The following CACNA1E variants were observed in gnomAD, a reference collection of about 807,000 sequenced individuals.
The protein encoded by CACNA1E is voltage-dependent R-type calcium channel subunit alpha-1E.
In CACNA1E, 40 loss-of-function variants were observed where a neutral mutation model predicts 259.2. That is an observed-to-expected ratio of 0.15 (90% CI 0.12 to 0.20). CACNA1E has a LOEUF of 0.20. Ranked by LOEUF, CACNA1E falls within the 10% of genes least tolerant of loss-of-function variation. The probability of loss-of-function intolerance (pLI) is 1.00; values close to 1 mark genes in which losing one functional copy is unlikely to be tolerated. For missense variants in CACNA1E, 1,874 were observed against 3,040.1 expected, an observed-to-expected ratio of 0.62 and a Z score of 9.02; for synonymous variants, 1,104 against 1,138.5, an observed-to-expected ratio of 0.97 and a Z score of 0.61.
chr1:181,720,698 A>C, intron 14 of CACNA1E, 85 bp from the exon 15 acceptor site: 1 of 805,746 alleles, frequency 1.2e-6, no homozygotes, highest in Admixed American at 2.0e-5. Flanking sequence ...GGAGAAAAGA[A>C]GTGATGAAAG....
chr1:181,535,075 G>T (rs1467598838), intron 3 of CACNA1E, among the ~76,000 whole-genome samples: 1 of 152,088 alleles, frequency 6.6e-6, no homozygotes, highest in East Asian at 1.9e-4. Context: ...GTGATAAAAA[G>T]AAAATAATTG....
intron 3 of CACNA1E, among the ~76,000 whole-genome samples, chr1:181,554,931 A>C (rs1648562326): frequency 6.6e-6 from 1 of 152,186 alleles, no homozygotes; most frequent in African/African-American, 2.4e-5. Context: ...TTTATCAATG[A>C]GACCAACAGC....
At chr1:181,604,403 G>A (rs1047263105) in intron 6 of CACNA1E, among the ~76,000 whole-genome samples, 2 of 152,124 alleles carry the variant, frequency 1.3e-5, no homozygotes, top group African/African-American at 2.4e-5. Context: ...TCATGAAAAG[G>A]GCCAGCTGAG....
chr1:181,318,387 C>T (rs1650070722), intron 1 of CACNA1E, among the ~76,000 whole-genome samples: 1 of 152,246 alleles, frequency 6.6e-6, no homozygotes, highest in Admixed American at 6.5e-5. Context: ...TGGGAAACGC[C>T]CCCGCGCTCT....
At chr1:181,747,200 G>T (rs923100922) in intron 25 of CACNA1E, among the ~76,000 whole-genome samples, 2 of 152,242 alleles carry the variant, frequency 1.3e-5, no homozygotes, top group African/African-American at 4.8e-5. Flanking sequence ...GGGTAGGGCA[G>T]AAGGCCATGG....
chr1:181,361,995 T>G (rs907340192), intron 1 of CACNA1E, among the ~76,000 whole-genome samples: 1 of 152,238 alleles, frequency 6.6e-6, no homozygotes, highest in Non-Finnish European at 1.5e-5. Flanking sequence ...ATTACTAGGT[T>G]GCAGTCTTGA....
chr1:181,798,499 A>T lies in CACNA1E; in HGVS notation c.6607A>T (p.Asn2203Tyr), dbSNP rs748349670. ...SPLTSQALES[N>Y]NACLTESSNS... ...GCTGACCTCCCAAGCTCTGGAGAGC[A>T]ACAATGCTTGCCTGACCGAGTCTTC... The change falls in exon 48 of 48, where the codon AAC becomes TAC. Residue 2203 changes from asparagine (N) to tyrosine (Y), a missense_variant. Coordinates refer to ENST00000367573, the MANE Select transcript of CACNA1E (RefSeq NM_001205293.3). The surrounding 1 kb of genome is among the most constrained non-coding windows in gnomAD (Gnocchi z 4.2). 1.2e-6 allele frequency: 2 copies of T among 1,613,954 alleles called. No homozygotes were observed. The highest frequency in any genetic ancestry group is 2.2e-5 in the South Asian group (2 of 91,084).
intron 44 of CACNA1E, among the ~76,000 whole-genome samples, chr1:181,790,885 A>G (rs1026234199): frequency 1.3e-5 from 2 of 152,362 alleles, no homozygotes; most frequent in East Asian, 3.9e-4. Context: ...GGGAGCTTGA[A>G]GATGCATCAC....
chr1:181,597,066 T>A (rs1454850377), intron 6 of CACNA1E, among the ~76,000 whole-genome samples: 7 of 152,056 alleles, frequency 4.6e-5, no homozygotes, highest in Admixed American at 4.6e-4. Context: ...GAAAGAGATA[T>A]CATGGGGCCT....
Position 181,507,643 on chromosome 1 carries a change from G to A in CACNA1E, c.267-2834G>A, listed in dbSNP as rs540565999. ...CTGCCAGGACCTGTCTTGCCTGCAG[G>A]CTCAGCACTGAGAACCCATCTACTT... On this transcript the variant is annotated intron_variant, in intron 1 of 47. Transcript: ENST00000367573. Among the ~76,000 whole-genome samples the A allele has an allele frequency of 1.5e-3, 235 of 152,270 alleles. 1 individual carries two copies. Among genetic ancestry groups the A allele is most frequent in the Admixed American group, 2.2e-3 (34 of 15,298 alleles).
intron 3 of CACNA1E, among the ~76,000 whole-genome samples, chr1:181,514,478 G>A (rs771684086): frequency 1.8e-4 from 27 of 152,116 alleles, no homozygotes; most frequent in Admixed American, 1.3e-4. Context: ...TTTGATCCAG[G>A]GCTGGTGTTT....
At chr1:181,610,996 C>T (rs906715178) in intron 6 of CACNA1E, among the ~76,000 whole-genome samples, 1 of 152,102 alleles carries the variant, frequency 6.6e-6, no homozygotes, top group African/African-American at 2.4e-5. Context: ...ACCAAAGTCA[C>T]AGCTCAGTCC....
Position 181,772,160 on chromosome 1 carries a change from G to C in CACNA1E, c.5068G>C (p.Glu1690Gln). 1 of 1,613,976 alleles carries C rather than the reference G, an allele frequency of 6.2e-7. No individual in the cohort carries two copies. The highest frequency in any genetic ancestry group is 8.5e-7 in the Non-Finnish European group (1 of 1,179,884). Residue 1690 changes from glutamate (E) to glutamine (Q), a missense_variant, in exon 37 of 48, where the codon GAG (glutamate) becomes CAG (glutamine). Around this residue, in one of 14 missense-constraint regions of CACNA1E, gnomAD observed 147 missense variants for 337.1 expected, o/e 0.44. Transcript: ENST00000367573. ...CACCACCGCACCATCAGGGCAGAACGAGAACGAACGCTGCGGCACCGATCT... is the reference window on the plus strand; with the variant it reads ...CACCACCGCACCATCAGGGCAGAACCAGAACGAACGCTGCGGCACCGATCT... ...PDTTAPSGQN[E>Q]NERCGTDLAY...
intron 3 of CACNA1E, among the ~76,000 whole-genome samples, chr1:181,559,336 A>G (rs10910957): frequency 0.87 from 132,484 of 152,176 alleles, 58,424 homozygotes; most frequent in Non-Finnish European, 0.93. Context: ...TGCCCAGCAG[A>G]GTACCAGGTA....
chr1:181,401,930 A>AT (rs140771082), intron 1 of CACNA1E, among the ~76,000 whole-genome samples: 2,323 of 152,290 alleles, frequency 0.015, 20 homozygotes, highest in Non-Finnish European at 0.02. Flanking sequence ...TATGTCAGCG[A>AT]TTTTCATCTC....
chr1:181,714,816 C>G (rs889166822), intron 8 of CACNA1E, among the ~76,000 whole-genome samples: 17 of 152,178 alleles, frequency 1.1e-4, no homozygotes, highest in Admixed American at 3.9e-4. Flanking sequence ...CACAAGCCCC[C>G]CTCCTGTCTC....
intron 1 of CACNA1E, among the ~76,000 whole-genome samples, chr1:181,399,158 G>A (rs1046960212): frequency 6.6e-6 from 1 of 151,034 alleles, no homozygotes; most frequent in Non-Finnish European, 1.5e-5. Flanking sequence ...AAAATAACCT[G>A]AGTAATGGCT....
intron 1 of CACNA1E, among the ~76,000 whole-genome samples, chr1:181,507,803 C>A (rs1665835922): frequency 6.6e-6 from 1 of 152,202 alleles, no homozygotes; most frequent in Non-Finnish European, 1.5e-5. Flanking sequence ...GTGCCCAGTC[C>A]TACCTTCCAG....
At chr1:181,782,698 T>C (rs570213701) in intron 39 of CACNA1E, among the ~76,000 whole-genome samples, 9 of 152,264 alleles carry the variant, frequency 5.9e-5, no homozygotes, top group African/African-American at 2.2e-4. Context: ...TGGCCCCAGA[T>C]AGCATCTCAC....
Sources: gnomAD v4.1 joint callset for allele counts (sites outside exome capture counted in the v4.1 genomes callset) on GRCh38, gnomAD v4.1.1 for gene constraint, gnomAD v4.1.1 regional missense constraint, Gnocchi (gnomAD v3.1) non-coding constraint, MANE v1.5 for transcripts, NCBI Gene and HGNC (gene_info 2026-07-23, HGNC 2026-07-21) for gene names.